Variants in CNKSR2 observed in about 807,000 individuals in gnomAD.
The protein encoded by CNKSR2 is CNK homolog protein 2.
Under a neutral mutation model 84.4 loss-of-function variants are expected in CNKSR2, and 14 were observed. That is an observed-to-expected ratio of 0.17 (90% CI 0.11 to 0.26). The LOEUF (loss-of-function observed/expected upper bound fraction) is 0.26, where lower values mean the gene tolerates loss of function less well. Ranked by LOEUF, CNKSR2 falls within the 10% of genes least tolerant of loss-of-function variation. The pLI, the probability that CNKSR2 is intolerant of heterozygous loss-of-function variation, is 1.00. For missense variants in CNKSR2, 485 were observed against 771.2 expected (o/e 0.63, Z 4.40); for synonymous variants, 275 against 277.9 (o/e 0.99, Z 0.10).
chrX:21,421,923 G>A (rs1280185386), intron 1 of CNKSR2: 1 of 110,962 alleles, frequency 9.0e-6, no homozygotes, highest in Non-Finnish European at 1.9e-5. Flanking sequence ...ATCTCCTGGT[G>A]CTTTTCAGGC....
intron 3 of CNKSR2, 61 bp from the exon 4 acceptor site, chrX:21,440,633 A>G (rs924095531): frequency 3.7e-5 from 20 of 547,043 alleles, no homozygotes; most frequent in Non-Finnish European, 4.4e-5. Context: ...TTAGGCTACT[A>G]TATTTTGGGA....
At chrX:21,475,835 G>A (rs112255612) in intron 5 of CNKSR2, among the ~76,000 whole-genome samples, 43 of 111,210 alleles carry the variant, frequency 3.9e-4, no homozygotes, top group African/African-American at 1.3e-3. Flanking sequence ...CTCGGATTTC[G>A]GATTTTTTTG....
At chrX:21,380,816 T>C (rs2089888321) in intron 1 of CNKSR2, among the ~76,000 whole-genome samples, 1 of 112,090 alleles carries the variant, frequency 8.9e-6, no homozygotes, top group Admixed American at 9.5e-5. Context: ...ATAAGGGTTA[T>C]TGTGAAGAAT....
At chrX:21,549,401 A>C (rs750252894) in intron 11 of CNKSR2, among the ~76,000 whole-genome samples, 6 of 112,026 alleles carry the variant, frequency 5.4e-5, no homozygotes, top group African/African-American at 1.9e-4. Flanking sequence ...ACCACTGCTC[A>C]AGGAAATCAA....
intron 11 of CNKSR2, among the ~76,000 whole-genome samples, chrX:21,551,984 A>G (rs1289171272): frequency 1.8e-5 from 2 of 110,733 alleles, no homozygotes; most frequent in Non-Finnish European, 3.8e-5. Context: ...TAAGGTTGTT[A>G]GCGTCAGGGA....
intron 5 of CNKSR2, among the ~76,000 whole-genome samples, chrX:21,474,524 C>A (rs2091239956): frequency 8.9e-6 from 1 of 111,844 alleles, no homozygotes; most frequent in African/African-American, 3.3e-5. Flanking sequence ...TCCAATTATC[C>A]CATTGGTCAA....
At chrX:21,459,156 G>A (rs1022035506) in intron 4 of CNKSR2, among the ~76,000 whole-genome samples, 4 of 108,476 alleles carry the variant, frequency 3.7e-5, no homozygotes, top group Non-Finnish European at 7.6e-5. Context: ...CCAAGTAGCT[G>A]GGATTACAGG....
intron 8 of CNKSR2, among the ~76,000 whole-genome samples, chrX:21,512,574 C>T (rs776651003): frequency 2.7e-5 from 3 of 111,036 alleles, no homozygotes; most frequent in African/African-American, 9.8e-5. Flanking sequence ...AGACTAGAAG[C>T]AGAAAGACAG....
intron 6 of CNKSR2, among the ~76,000 whole-genome samples, chrX:21,496,727 A>G (rs1365983604): frequency 9.0e-6 from 1 of 111,584 alleles, no homozygotes; most frequent in Non-Finnish European, 1.9e-5. Flanking sequence ...TGCTTCATGT[A>G]AGTACTAAAT....
chrX:21,414,434 A>G (rs892470257), intron 1 of CNKSR2, among the ~76,000 whole-genome samples: 1 of 107,147 alleles, frequency 9.3e-6, no homozygotes, highest in Non-Finnish European at 1.9e-5. Flanking sequence ...TTTTTTTCCT[A>G]TGGAGTTGTT....
At chrX:21,638,676 CT>C (rs1464050169) in intron 20 of CNKSR2, among the ~76,000 whole-genome samples, 2 of 111,810 alleles carry the variant, frequency 1.8e-5, no homozygotes, top group Non-Finnish European at 3.8e-5. Context: ...TACTGATTTT[CT>C]TTGTGGTATC....
rs747231903 is a variant in CNKSR2 at position 21,652,320 on chromosome X, A to G, written c.2904A>G (p.Glu968=). ...LKSTLKAREG[E]VAIIDKVLDN... is the part of the protein sequence containing the mutation. ...TTTCTTTTCAGGCCAGAGAAGGGGA[A>G]GTAGCCATTATCGATAAAGTCCTAG... is the stretch of plus-strand genomic sequence containing the variant. The change falls in exon 22 of 22, where the codon GAA becomes GAG. Residue 968 remains glutamate, a synonymous_variant. Coordinates refer to ENST00000379510, the MANE Select transcript of CNKSR2 (RefSeq NM_014927.5). 1.7e-6 allele frequency: 2 copies of G among 1,206,857 alleles called. No individual in the cohort carries two copies. The highest frequency in any genetic ancestry group is 4.3e-5 in the Admixed American group (2 of 46,087).
At chrX:21,549,315 T>C (rs1034440352) in intron 11 of CNKSR2, among the ~76,000 whole-genome samples, 1 of 111,712 alleles carries the variant, frequency 9.0e-6, no homozygotes, top group African/African-American at 3.3e-5. Flanking sequence ...CCGTTCACAA[T>C]TGCTACTAAG....
At chrX:21,565,044 A>G (rs1370783694) in intron 13 of CNKSR2, among the ~76,000 whole-genome samples, 2 of 111,833 alleles carry the variant, frequency 1.8e-5, no homozygotes, top group East Asian at 5.6e-4. Flanking sequence ...TTCCAGTCAT[A>G]AGTAATACCC....
chrX:21,526,154 C>T (rs1338234645), intron 9 of CNKSR2, among the ~76,000 whole-genome samples: 1 of 110,464 alleles, frequency 9.1e-6, no homozygotes, highest in African/African-American at 3.3e-5. Context: ...AAAATGAGAT[C>T]TATATATGCA....
intron 20 of CNKSR2, among the ~76,000 whole-genome samples, chrX:21,625,739 C>A (rs2147310292): frequency 8.9e-6 from 1 of 112,016 alleles, no homozygotes; most frequent in African/African-American, 3.2e-5. Context: ...AGTGACTTAT[C>A]TTCCTAAGAT....
chrX:21,470,804 C>T lies in CNKSR2; in HGVS notation c.558C>T (p.His186=), dbSNP rs748307605. ...TVYETENKIL[H]VCKTLSGVCD... ...ATGAAACAGAGAATAAAATTCTTCA[C>T]GTGGTGAGTATACTTGGATTTATTT... The change falls in exon 5 of 22, where the codon CAC becomes CAT. Residue 186 remains histidine, a synonymous_variant. Coordinates refer to ENST00000379510, the MANE Select transcript of CNKSR2 (RefSeq NM_014927.5). The T allele has an allele frequency of 1.5e-5, 15 of 1,006,973 alleles. No homozygotes were observed. Among genetic ancestry groups the T allele is most frequent in the Admixed American group, 1.3e-4 (5 of 38,566 alleles). 83.0% of individuals were successfully genotyped at this position (1,006,973 alleles called of 1,213,427 possible). A position where few individuals can be genotyped will look rare whatever the true frequency, so the allele number is the denominator to read the frequency against.
intron 1 of CNKSR2, among the ~76,000 whole-genome samples, chrX:21,415,827 CAT>C (rs199961889): frequency 0.041 from 2,861 of 70,262 alleles, 186 homozygotes; most frequent in Admixed American, 0.3. Flanking sequence ...TACATATATA[CAT>C]ATATACACAC....
intron 5 of CNKSR2, among the ~76,000 whole-genome samples, chrX:21,488,682 C>T (rs1212767353): frequency 9.0e-6 from 1 of 111,491 alleles, no homozygotes; most frequent in Non-Finnish European, 1.9e-5. Flanking sequence ...AAGGACAGAA[C>T]ATAGTAAATA....
Sources: gnomAD v4.1 joint callset for allele counts (sites outside exome capture counted in the v4.1 genomes callset) on GRCh38, gnomAD v4.1.1 for gene constraint, MANE v1.5 for transcripts, NCBI Gene and HGNC (gene_info 2026-07-23, HGNC 2026-07-21) for gene names.